The following CSMD3 variants were observed in gnomAD, a reference collection of about 807,000 sequenced individuals.
CSMD3 encodes the protein CUB and sushi domain-containing protein 3.
A neutral mutation model predicts 435.2 loss-of-function variants in CSMD3; 177 were observed. The ratio of observed to expected loss-of-function variants is 0.41; its 90% CI spans 0.36 to 0.46. The LOEUF is 0.46. Among genes scored for constraint, CSMD3 ranks in the 20% least tolerant of loss-of-function variants. CSMD3 has a pLI of 0.34. For missense variants in CSMD3, 4,265 were observed against 4,504.6 expected, an observed-to-expected ratio of 0.95 and a Z score of 1.52; for synonymous variants, 1,656 against 1,520.5, an observed-to-expected ratio of 1.09 and a Z score of -2.07.
intron 4 of CSMD3, among the ~76,000 whole-genome samples, chr8:113,155,341 C>T (rs538531320): frequency 6.6e-6 from 1 of 152,126 alleles, no homozygotes; most frequent in South Asian, 2.1e-4. Flanking sequence ...GACTAGCTTC[C>T]CCAAGTATAA....
intron 12 of CSMD3, among the ~76,000 whole-genome samples, chr8:112,810,817 ATT>A (rs2079204866): frequency 6.6e-6 from 1 of 152,088 alleles, no homozygotes; most frequent in Admixed American, 6.6e-5. Context: ...TTATTTAAAA[ATT>A]TAGATATTTG....
intron 59 of CSMD3, among the ~76,000 whole-genome samples, chr8:112,277,135 G>A (rs987222712): frequency 6.6e-6 from 1 of 152,106 alleles, no homozygotes; most frequent in African/African-American, 2.4e-5. Flanking sequence ...CAGAAAATGG[G>A]TTTTTCTTTA....
intron 45 of CSMD3, among the ~76,000 whole-genome samples, chr8:112,323,502 C>T (rs910130430): frequency 2.6e-5 from 4 of 151,898 alleles, no homozygotes; most frequent in African/African-American, 9.7e-5. Context: ...ATGGGGGTAC[C>T]CTTAATTCAA....
At chr8:112,574,117 T>A (rs1422765432) in intron 23 of CSMD3, among the ~76,000 whole-genome samples, 1 of 152,046 alleles carries the variant, frequency 6.6e-6, no homozygotes, top group Non-Finnish European at 1.5e-5. Flanking sequence ...TTTAACTTGT[T>A]TCATATTTGA....
chr8:112,615,191 T>C (rs529170838), intron 22 of CSMD3, among the ~76,000 whole-genome samples: 1 of 152,242 alleles, frequency 6.6e-6, no homozygotes, highest in East Asian at 1.9e-4. Flanking sequence ...TCCTTCCACT[T>C]AGATCATGCA....
chr8:112,350,381 C>T (rs1826028922), intron 40 of CSMD3, among the ~76,000 whole-genome samples: 1 of 149,882 alleles, frequency 6.7e-6, no homozygotes, highest in African/African-American at 2.5e-5. Flanking sequence ...TCTGTGAAAA[C>T]CTTGCAGGCT....
At chr8:113,020,331 A>C (rs1252829823) in intron 5 of CSMD3, among the ~76,000 whole-genome samples, 1 of 152,122 alleles carries the variant, frequency 6.6e-6, no homozygotes, top group East Asian at 1.9e-4. Context: ...ATATACTCAA[A>C]ACAAGTATCT....
In CSMD3 at chr8:112,773,301, A is replaced by G. The variant is rs540856464; in HGVS notation, c.1972+26861T>C. Among the ~76,000 whole-genome samples the G allele has an allele frequency of 2.0e-5, 3 of 152,202 alleles. No homozygotes were observed. In the South Asian group the frequency reaches 6.2e-4, roughly 32 times the overall value. ...ATGATGAAACAGAACTATTATTTAC[A>G]AGTATAATCTATAAAAGTTTTCAAC... On this transcript the variant is annotated intron_variant, in intron 13 of 70. Coordinates refer to ENST00000297405, the MANE Select transcript of CSMD3 (RefSeq NM_198123.2).
chr8:113,152,376 G>C (rs1287866902), intron 4 of CSMD3, among the ~76,000 whole-genome samples: 2 of 151,986 alleles, frequency 1.3e-5, no homozygotes, highest in Non-Finnish European at 2.9e-5. Flanking sequence ...CATTTGAGTG[G>C]TTCCTTATAT....
chr8:113,377,594 G>A lies in CSMD3; in HGVS notation c.178+59083C>T, dbSNP rs561785584. On this transcript the variant is annotated intron_variant, in intron 1 of 70. Coordinates refer to ENST00000297405, the MANE Select transcript of CSMD3 (RefSeq NM_198123.2). ...AAGGTACACATTTCAATTTTTCTACGAGTTTGTGTTAGACGGTATTTATAA... is the reference window on the plus strand; with the variant it reads ...AAGGTACACATTTCAATTTTTCTACAAGTTTGTGTTAGACGGTATTTATAA... Among the ~76,000 whole-genome samples, 16 of 152,116 alleles carry A rather than the reference G, an allele frequency of 1.1e-4. No homozygotes were observed. The South Asian group carries it at 3.1e-3, about 30-fold the overall frequency.
chr8:112,913,953 T>G (rs1587656740), intron 10 of CSMD3, among the ~76,000 whole-genome samples: 2 of 151,968 alleles, frequency 1.3e-5, no homozygotes, highest in Admixed American at 1.3e-4. Context: ...TGCATACTTT[T>G]TCGTTGCTGT....
chr8:112,650,463 C>T (rs1292352586), intron 18 of CSMD3, 114 bp from the exon 19 acceptor site: 1 of 853,592 alleles, frequency 1.2e-6, no homozygotes, highest in East Asian at 2.6e-5. Context: ...AATAAAGGTA[C>T]TCGTACTTCA....
At chr8:113,126,242 G>T (rs1047092201) in intron 4 of CSMD3, among the ~76,000 whole-genome samples, 2 of 151,840 alleles carry the variant, frequency 1.3e-5, no homozygotes, top group African/African-American at 4.8e-5. Flanking sequence ...AGGCAGTCCA[G>T]CTCTATAATC....
At chr8:112,661,720 A>C (rs902209257) in intron 17 of CSMD3, among the ~76,000 whole-genome samples, 1 of 152,118 alleles carries the variant, frequency 6.6e-6, no homozygotes, top group African/African-American at 2.4e-5. Context: ...TGAATAAGAG[A>C]ATAAAAGAAA....
intron 12 of CSMD3, 46 bp downstream of exon 12, chr8:112,829,640 T>A (rs1405833153): frequency 9.5e-7 from 1 of 1,055,668 alleles, no homozygotes; most frequent in East Asian, 2.4e-5. Context: ...TAAAATTTTA[T>A]TAGTACCCGA....
At chr8:112,382,551 T>G (rs772740214) in intron 37 of CSMD3, among the ~76,000 whole-genome samples, 5 of 152,308 alleles carry the variant, frequency 3.3e-5, no homozygotes, top group Middle Eastern at 6.8e-3. Flanking sequence ...CATATCTGAA[T>G]TGAGTAAGTT....
At chr8:113,013,065 C>T (rs1223624877) in intron 6 of CSMD3, among the ~76,000 whole-genome samples, 1 of 151,952 alleles carries the variant, frequency 6.6e-6, no homozygotes, top group Non-Finnish European at 1.5e-5. Context: ...GATTAGAATA[C>T]CATCTCTCTT....
rs1592624 is a variant in CSMD3, at chr8:112,228,859, T to G, written c.10861A>C (p.Asn3621His). ...LNMSEGSNSS[N>H]QPHGTNSSSV... ...CTACTATTTGTACCATGAGGTTGAT[T>G]TGAAGAATTTGAACCTTCTGACATA... The change falls in exon 70 of 71, where the codon AAT becomes CAT. Residue 3621 changes from asparagine to histidine, a missense_variant. Asn to His is a moderately conservative substitution (Grantham distance 68). This residue lies in a region of CSMD3 where 3,255 missense variants were observed against 3,380.2 expected (regional missense o/e 0.96). Transcript: ENST00000297405. 911,409 of 1,569,996 alleles carry G rather than the reference T, an allele frequency of 0.58. 271,423 individuals are homozygous for G. Among genetic ancestry groups the G allele is most frequent in the African/African-American group, 0.9 (66,041 of 73,756 alleles).
chr8:112,903,087 T>C (rs2082150534), intron 10 of CSMD3, among the ~76,000 whole-genome samples: 1 of 147,942 alleles, frequency 6.8e-6, no homozygotes, highest in Admixed American at 6.8e-5. Flanking sequence ...GAGCATTATG[T>C]GTCTTTCTTT....
Sources: allele counts gnomAD v4.1 joint callset (sites outside exome capture counted in the v4.1 genomes callset), GRCh38; gene constraint gnomAD v4.1.1; regional missense constraint gnomAD v4.1.1; transcripts MANE v1.5; gene names NCBI Gene and HGNC (gene_info 2026-07-23, HGNC 2026-07-21).